The following TTC23 variants were observed in gnomAD, a reference collection of about 807,000 sequenced individuals.
TTC23 encodes the protein tetratricopeptide repeat protein 23.
Under a neutral mutation model 55.1 loss-of-function variants are expected in TTC23, and 58 were observed. The observed-to-expected ratio is 1.05, with a 90% CI of 0.85 to 1.31. The LOEUF (loss-of-function observed/expected upper bound fraction) is 1.31. Ranked by LOEUF, TTC23 falls within the 50% of genes most tolerant of loss-of-function variation. The pLI is 0.00. For synonymous variants in TTC23, 203 were observed against 199.9 expected, an observed-to-expected ratio of 1.02 and a Z score of -0.13; for missense variants, 516 against 534.4, an observed-to-expected ratio of 0.97 and a Z score of 0.34.
At chr15:99,206,211 G>A (rs527255226) in intron 8 of TTC23, among the ~76,000 whole-genome samples, 36 of 152,114 alleles carry the variant, frequency 2.4e-4, no homozygotes, top group Non-Finnish European at 4.6e-4. Context: ...TTAATGTGTA[G>A]TTGAATTGGG....
At chr15:99,184,410 A>G (rs1042557881) in intron 9 of TTC23, among the ~76,000 whole-genome samples, 1 of 152,220 alleles carries the variant, frequency 6.6e-6, no homozygotes, top group African/African-American at 2.4e-5. Flanking sequence ...ACAGGGGCAG[A>G]GCTGCTGAAG....
chr15:99,242,923 T>C (rs2079932426), intron 2 of TTC23, among the ~76,000 whole-genome samples: 1 of 152,152 alleles, frequency 6.6e-6, no homozygotes, highest in Non-Finnish European at 1.5e-5. Flanking sequence ...GGAAACTCTC[T>C]GGGACAGTGG....
intron 5 of TTC23, among the ~76,000 whole-genome samples, chr15:99,224,681 G>A (rs1289343953): frequency 6.6e-6 from 1 of 152,252 alleles, no homozygotes; most frequent in Non-Finnish European, 1.5e-5. Flanking sequence ...TTCTGAGGCT[G>A]TGAGTAGCTA....
intron 9 of TTC23, among the ~76,000 whole-genome samples, chr15:99,184,912 T>G (rs995982215): frequency 6.6e-6 from 1 of 152,148 alleles, no homozygotes; most frequent in African/African-American, 2.4e-5. Flanking sequence ...GGTAATTAAA[T>G]CATGGGGGTG....
intron 1 of TTC23, among the ~76,000 whole-genome samples, chr15:99,245,766 G>GT (rs1376920242): frequency 6.6e-6 from 1 of 150,610 alleles, no homozygotes; most frequent in East Asian, 1.9e-4. Context: ...AGACTTAACA[G>GT]TAAGAGGTAA....
At chr15:99,248,437 C>G (rs1365916737) in intron 1 of TTC23, 1 of 152,206 alleles carries the variant, frequency 6.6e-6, no homozygotes, top group Non-Finnish European at 1.5e-5. Flanking sequence ...AGAACCAACT[C>G]TTCCTCAGGC....
chr15:99,168,256 T>C (rs2072421308), intron 10 of TTC23, among the ~76,000 whole-genome samples: 1 of 152,110 alleles, frequency 6.6e-6, no homozygotes, highest in Admixed American at 6.6e-5. Flanking sequence ...AGTGAAGTGA[T>C]CCAATGGCAG....
intron 3 of TTC23, among the ~76,000 whole-genome samples, chr15:99,235,357 ATT>A (rs58184291): frequency 0.011 from 1,494 of 133,622 alleles, 17 homozygotes; most frequent in African/African-American, 0.028. Context: ...CATTTTAAGC[ATT>A]TTTTTTTTTT....
intron 9 of TTC23, among the ~76,000 whole-genome samples, chr15:99,188,430 T>A (rs2151962377): frequency 6.6e-6 from 1 of 152,182 alleles, no homozygotes; most frequent in Non-Finnish European, 1.5e-5. Context: ...TCTGTGAATA[T>A]AATTAAACCA....
chr15:99,169,002 T>TA (rs2072543255), intron 10 of TTC23, among the ~76,000 whole-genome samples: 1 of 152,102 alleles, frequency 6.6e-6, no homozygotes, highest in Non-Finnish European at 1.5e-5. Context: ...GTGACTACTC[T>TA]AGGGTGACTT....
chr15:99,218,043 G>A (rs1449090523), intron 8 of TTC23, among the ~76,000 whole-genome samples: 2 of 152,204 alleles, frequency 1.3e-5, no homozygotes, highest in African/African-American at 4.8e-5. Context: ...AATACTCTGA[G>A]GAATTGGCTT....
At chr15:99,178,606 A>ATTT (rs2073831512) in intron 9 of TTC23, among the ~76,000 whole-genome samples, 5 of 152,204 alleles carry the variant, frequency 3.3e-5, no homozygotes, top group Non-Finnish European at 7.3e-5. Context: ...GTGAACTACA[A>ATTT]AAATGTAGGA....
At chr15:99,220,739 A>G (rs2077854118) in intron 6 of TTC23, among the ~76,000 whole-genome samples, 1 of 152,162 alleles carries the variant, frequency 6.6e-6, no homozygotes, top group East Asian at 1.9e-4. Context: ...CCAACCCTGG[A>G]AAGTTAGCAT....
intron 3 of TTC23, among the ~76,000 whole-genome samples, chr15:99,238,983 G>A (rs2079546054): frequency 1.3e-5 from 2 of 152,142 alleles, no homozygotes; most frequent in African/African-American, 4.8e-5. Context: ...TGAGCTAGGG[G>A]GAAAGTAAAA....
At chr15:99,174,190 C>T (rs895259508) in intron 10 of TTC23, among the ~76,000 whole-genome samples, 3 of 152,126 alleles carry the variant, frequency 2.0e-5, no homozygotes, top group African/African-American at 7.2e-5. Context: ...TTCATCAGTT[C>T]CTCTGTGGAC....
intron 10 of TTC23, among the ~76,000 whole-genome samples, chr15:99,170,083 G>A (rs2072707148): frequency 6.6e-6 from 1 of 152,208 alleles, no homozygotes; most frequent in Admixed American, 6.5e-5. Context: ...GCAGGGCTGG[G>A]AAAGCTGTGA....
chr15:99,244,901 A>T (rs1441293571), intron 2 of TTC23, among the ~76,000 whole-genome samples: 1 of 152,250 alleles, frequency 6.6e-6, no homozygotes, highest in African/African-American at 2.4e-5. Flanking sequence ...AAGTAAAAGT[A>T]ATCAAAAGTG....
intron 10 of TTC23, among the ~76,000 whole-genome samples, chr15:99,172,724 C>T (rs187352196): frequency 2.0e-5 from 3 of 152,276 alleles, no homozygotes; most frequent in African/African-American, 4.8e-5. Context: ...GTGGTGAGAA[C>T]CATTGCTGGT....
intron 12 of TTC23, among the ~76,000 whole-genome samples, chr15:99,148,360 CAAAAAAAAAAAA>C (rs57733522): frequency 6.6e-5 from 2 of 30,416 alleles, no homozygotes; most frequent in Non-Finnish European, 6.1e-5. Flanking sequence ...GACTCTGTAC[CAAAAAAAAAAAA>C]AAAAAAAAAA....
Sources: gnomAD v4.1 joint callset for allele counts (sites outside exome capture counted in the v4.1 genomes callset) on GRCh38, gnomAD v4.1.1 for gene constraint, MANE v1.5 for transcripts, NCBI Gene and HGNC (gene_info 2026-07-23, HGNC 2026-07-21) for gene names.